The following MCHR2 variants were observed in gnomAD, a reference collection of about 807,000 sequenced individuals.
The protein encoded by MCHR2 is melanin-concentrating hormone receptor 2.
MCHR2 carries 15 observed loss-of-function variants against 24.8 expected under a neutral mutation model. That is an observed-to-expected ratio of 0.60 (90% CI 0.40 to 0.93). The LOEUF (loss-of-function observed/expected upper bound fraction) is 0.93, where lower values mean the gene tolerates loss of function less well. Ranked by LOEUF, MCHR2 falls within the 40% of genes least tolerant of loss-of-function variation. The pLI, the probability that MCHR2 is intolerant of heterozygous loss-of-function variation, is 0.00. For missense variants in MCHR2, 386 were observed against 408.7 expected (o/e 0.94, Z 0.48); for synonymous variants, 151 against 147.6 (o/e 1.02, Z -0.17).
intron 1 of MCHR2, among the ~76,000 whole-genome samples, chr6:99,975,546 C>A (rs1273790141): frequency 6.6e-6 from 1 of 152,258 alleles, no homozygotes; most frequent in East Asian, 1.9e-4. Context: ...CCTCGCCCTG[C>A]TTCAGCTCGT....
At position 99,926,331 on chromosome 6, in the gene MCHR2, G is replaced by A. The variant is rs369098479; in HGVS notation, c.708-5076C>T. On this transcript the variant is annotated intron_variant, in intron 5 of 5. Transcript: ENST00000281806. The stretch of plus-strand genomic sequence containing the variant: ...TGTCTTTATAGCAGCATGATTTATA[G>A]TCCTTTGGGTATATACCCAGTAATG... Among the ~76,000 whole-genome samples the A allele has an allele frequency of 8.4e-3, 1,273 of 152,076 alleles. 15 individuals carry two copies. Among genetic ancestry groups the A allele is most frequent in the African/African-American group, 0.029 (1,202 of 41,462 alleles).
chr6:99,981,858 T>C lies in MCHR2; in HGVS notation c.-28+12078A>G, dbSNP rs555042241. Among the ~76,000 whole-genome samples, 8 of 152,318 alleles carry C rather than the reference T, an allele frequency of 5.3e-5. No homozygotes were observed. In the South Asian group the frequency reaches 1.5e-3, roughly 28 times the overall value. On this transcript the variant is annotated intron_variant, in intron 1 of 5. Transcript: ENST00000281806. The stretch of plus-strand genomic sequence containing the variant: ...CTGTGAGTCTCCCCTTTCTGTATAC[T>C]GTCAGGCTTTATACACACTTCATAA...
chr6:99,965,091 A>G (rs1025730306), intron 1 of MCHR2, among the ~76,000 whole-genome samples: 1 of 152,158 alleles, frequency 6.6e-6, no homozygotes, highest in African/African-American at 2.4e-5. Context: ...TGAGCCAACA[A>G]TGTTCTGGCT....
At chr6:99,928,255 A>T (rs1310158293) in intron 5 of MCHR2, among the ~76,000 whole-genome samples, 1 of 151,994 alleles carries the variant, frequency 6.6e-6, no homozygotes, top group African/African-American at 2.4e-5. Context: ...TTTATTGAGG[A>T]TTTTTGCATC....
In MCHR2 at chr6:99,920,873, T is replaced by C; in HGVS notation, c.*67A>G. ...ATGGGCATAAACATATCGGTACACC[T>C]GCCCTTTCTGATAATACCAGTAAGA... On this transcript the variant is annotated 3_prime_UTR_variant, in exon 6 of 6. Coordinates refer to ENST00000281806, the MANE Select transcript of MCHR2 (RefSeq NM_001040179.2). 1 of 1,479,032 alleles carries C rather than the reference T, an allele frequency of 6.8e-7. No homozygotes were observed. The highest frequency in any genetic ancestry group is 9.3e-7 in the Non-Finnish European group (1 of 1,075,224). The allele number at this position is 1,479,032 out of a possible 1,614,324, so 91.6% of individuals were successfully genotyped here. A position where few individuals can be genotyped will look rare whatever the true frequency, so the allele number is the denominator to read the frequency against.
intron 1 of MCHR2, among the ~76,000 whole-genome samples, chr6:99,972,691 G>T (rs1480537499): frequency 6.6e-6 from 1 of 151,852 alleles, no homozygotes; most frequent in African/African-American, 2.4e-5. Flanking sequence ...TTTCTTTTCT[G>T]GGCATTTAGT....
intron 5 of MCHR2, among the ~76,000 whole-genome samples, chr6:99,925,322 T>A (rs918025701): frequency 6.6e-6 from 1 of 152,106 alleles, no homozygotes; most frequent in African/African-American, 2.4e-5. Flanking sequence ...AGGCAATAGA[T>A]CAACAGGTCT....
At chr6:99,980,117 G>A (rs900687260) in intron 1 of MCHR2, among the ~76,000 whole-genome samples, 55 of 92,608 alleles carry the variant, frequency 5.9e-4, no homozygotes, top group African/African-American at 2.1e-3. Context: ...CTGTTTTATA[G>A]TTTATAAAGT....
At chr6:99,966,580 C>A (rs936613908) in intron 1 of MCHR2, among the ~76,000 whole-genome samples, 4 of 152,074 alleles carry the variant, frequency 2.6e-5, no homozygotes, top group African/African-American at 9.7e-5. Flanking sequence ...AGAGTGAATG[C>A]CCAACAATAT....
At chr6:99,956,552 A>G (rs73760573) in intron 1 of MCHR2, among the ~76,000 whole-genome samples, 2 of 152,050 alleles carry the variant, frequency 1.3e-5, no homozygotes, top group African/African-American at 4.8e-5. Context: ...TGTAACACTT[A>G]TGTTGTTAAA....
chr6:99,975,347 C>T (rs1478980317), intron 1 of MCHR2, among the ~76,000 whole-genome samples: 1 of 152,206 alleles, frequency 6.6e-6, no homozygotes. Context: ...ATCAGCGAGA[C>T]TCCGTGGCCG....
rs1582417442 is a variant in MCHR2, at chr6:99,990,682, A to C, written c.-28+3254T>G. Among the ~76,000 whole-genome samples, 7 of 152,204 alleles carry C rather than the reference A, an allele frequency of 4.6e-5. No individual in the cohort carries two copies. The South Asian group carries it at 1.5e-3, about 32-fold the overall frequency. ...AGCATTAATTTTACACAATCAATCTAACTTTTAAAAACTTTTCTATAATCA... is the reference window on the plus strand; with the variant it reads ...AGCATTAATTTTACACAATCAATCTCACTTTTAAAAACTTTTCTATAATCA... On this transcript the variant is annotated intron_variant, in intron 1 of 5. Transcript: ENST00000281806.
chr6:99,942,295 C>T (rs912032899), intron 4 of MCHR2, among the ~76,000 whole-genome samples: 4 of 152,064 alleles, frequency 2.6e-5, no homozygotes, highest in Admixed American at 2.6e-4. Flanking sequence ...TGCTCTATGC[C>T]CCCTCCTACC....
At chr6:99,965,144 G>A (rs1775271150) in intron 1 of MCHR2, among the ~76,000 whole-genome samples, 1 of 152,064 alleles carries the variant, frequency 6.6e-6, no homozygotes, top group Admixed American at 6.6e-5. Flanking sequence ...GGTTCTGCAG[G>A]TTATAATAAC....
chr6:99,966,471 C>G (rs182156879), intron 1 of MCHR2, among the ~76,000 whole-genome samples: 3 of 152,062 alleles, frequency 2.0e-5, no homozygotes, highest in Admixed American at 2.0e-4. Flanking sequence ...ATAATAAATC[C>G]ATGTCAAGAA....
At chr6:99,930,168 T>C (rs1224128416) in intron 5 of MCHR2, among the ~76,000 whole-genome samples, 5 of 152,326 alleles carry the variant, frequency 3.3e-5, no homozygotes, top group Admixed American at 2.6e-4. Context: ...ATATTGGCCC[T>C]CACTTTCTCC....
chr6:99,982,467 GAAAAAAA>G (rs1196029682), intron 1 of MCHR2, among the ~76,000 whole-genome samples: 10 of 46,640 alleles, frequency 2.1e-4, no homozygotes, highest in East Asian at 7.3e-4. Context: ...TGTCTGTACA[GAAAAAAA>G]AAAAAAAAAA....
At chr6:99,974,549 T>G (rs937232339) in intron 1 of MCHR2, among the ~76,000 whole-genome samples, 2 of 152,250 alleles carry the variant, frequency 1.3e-5, no homozygotes, top group African/African-American at 4.8e-5. Context: ...TGGAGCCTTC[T>G]TCTCTCAACT....
Position 99,934,444 on chromosome 6 carries a change from A to C in MCHR2, c.661T>G (p.Leu221Val). 6.2e-7 allele frequency: 1 copy of C among 1,607,152 alleles called. No homozygotes were observed. Among genetic ancestry groups the C allele is most frequent in the Non-Finnish European group, 8.5e-7 (1 of 1,177,386 alleles). ...TGATACATCTCCCAAGTATAGCATA[A>C]AATTAAAATATAGCACACCAAAATC... ...PLILVCYILI[L>V]CYTWEMYQQN... The change falls in exon 5 of 6, where the codon TTA becomes GTA. Residue 221 changes from leucine to valine, a missense_variant. Physicochemically the swap from Leu to Val is conservative, Grantham distance 32. Transcript: ENST00000281806.
Sources: gnomAD v4.1 joint callset for allele counts (sites outside exome capture counted in the v4.1 genomes callset) on GRCh38, gnomAD v4.1.1 for gene constraint, MANE v1.5 for transcripts, NCBI Gene and HGNC (gene_info 2026-07-23, HGNC 2026-07-21) for gene names.